Variants in LZTS1 observed in about 807,000 individuals in gnomAD.
The protein encoded by LZTS1 is leucine zipper putative tumor suppressor 1.
A neutral mutation model predicts 45.8 loss-of-function variants in LZTS1; 31 were observed. The observed-to-expected ratio is 0.68, with a 90% CI of 0.51 to 0.91. The LOEUF is 0.91. Ranked by LOEUF, LZTS1 falls within the 40% of genes least tolerant of loss-of-function variation. The pLI is 0.00. For synonymous variants in LZTS1, 359 were observed against 357.3 expected, an observed-to-expected ratio of 1.00 and a Z score of -0.05; for missense variants, 821 against 788.9, an observed-to-expected ratio of 1.04 and a Z score of -0.49.
chr8:20,291,171 T>TGGA (rs1202703246), intron 1 of LZTS1, among the ~76,000 whole-genome samples: 2 of 152,244 alleles, frequency 1.3e-5, no homozygotes. Flanking sequence ...ACCACATAGA[T>TGGA]GGAGATCCAG....
chr8:20,294,221 C>A (rs1354346467), intron 1 of LZTS1, among the ~76,000 whole-genome samples: 1 of 152,232 alleles, frequency 6.6e-6, no homozygotes, highest in Non-Finnish European at 1.5e-5. Context: ...GTAAGTCCAA[C>A]ATCAAGAAAA....
intron 1 of LZTS1, among the ~76,000 whole-genome samples, chr8:20,292,980 T>C (rs1473857695): frequency 6.6e-6 from 1 of 152,124 alleles, no homozygotes; most frequent in Non-Finnish European, 1.5e-5. Context: ...TCCCATTAAA[T>C]AAATAATCCT....
At chr8:20,286,505 A>G (rs1800793975) in intron 1 of LZTS1, among the ~76,000 whole-genome samples, 1 of 152,224 alleles carries the variant, frequency 6.6e-6, no homozygotes, top group Non-Finnish European at 1.5e-5. Context: ...TGATAATACC[A>G]AGTGCTGGTG....
rs1801126399 is a variant in LZTS1 at position 20,303,871 on chromosome 8, G to A, written c.-266C>T. ...CCCACTGCGCGGGATGCAGCTCCCG[G>A]CTCCCACTCACTGGCCGAGGCGGGC... is the stretch of plus-strand genomic sequence containing the variant. On this transcript the variant is annotated 5_prime_UTR_variant, in exon 1 of 4. Transcript: ENST00000381569. 1 of 985,088 alleles carries A rather than the reference G, an allele frequency of 1.0e-6. No homozygotes were observed. Among genetic ancestry groups the A allele is most frequent in the Non-Finnish European group, 1.2e-6 (1 of 829,818 alleles). The allele number at this position is 985,088 out of a possible 1,614,324, so 61.0% of individuals were successfully genotyped here.
chr8:20,288,483 G>A (rs924782491), intron 1 of LZTS1, among the ~76,000 whole-genome samples: 15 of 152,180 alleles, frequency 9.9e-5, no homozygotes, highest in Non-Finnish European at 1.6e-4. Context: ...CTAGGTATGG[G>A]ACGATGTACG....
chr8:20,293,806 C>T (rs907813508), intron 1 of LZTS1, among the ~76,000 whole-genome samples: 12 of 152,088 alleles, frequency 7.9e-5, no homozygotes, highest in Non-Finnish European at 1.8e-4. Flanking sequence ...TGGTGATACC[C>T]ACCTGTGGTC....
rs77478732 is a variant in LZTS1 at position 20,301,895 on chromosome 8, A to C, written c.-135+1845T>G. On this transcript the variant is annotated intron_variant, in intron 1 of 3. Transcript: ENST00000381569. Reference sequence around the variant, plus strand: ...TCGTGAAGCACACAGCCGCTGCTATAAATGTTAACTAACAACCATCTTCAG... The same window carrying C: ...TCGTGAAGCACACAGCCGCTGCTATCAATGTTAACTAACAACCATCTTCAG... 6.1e-3 allele frequency among the ~76,000 whole-genome samples: 930 copies of C among 152,204 alleles called. 9 individuals carry two copies. Among genetic ancestry groups the C allele is most frequent in the African/African-American group, 0.022 (893 of 41,498 alleles).
intron 1 of LZTS1, 53 bp from the exon 2 acceptor site, chr8:20,255,368 A>C: frequency 7.7e-7 from 1 of 1,306,908 alleles, no homozygotes; most frequent in Non-Finnish European, 1.0e-6. Flanking sequence ...GTCACAGCAC[A>C]GTGCTGATTC....
At chr8:20,270,597 C>T (rs1337662898) in intron 1 of LZTS1, among the ~76,000 whole-genome samples, 1 of 152,004 alleles carries the variant, frequency 6.6e-6, no homozygotes, top group Non-Finnish European at 1.5e-5. Flanking sequence ...CTGCCATACC[C>T]AGGAGGGCTT....
At chr8:20,272,273 T>C (rs1800488773) in intron 1 of LZTS1, among the ~76,000 whole-genome samples, 1 of 152,182 alleles carries the variant, frequency 6.6e-6, no homozygotes, top group Non-Finnish European at 1.5e-5. Context: ...GTGCAGCTGC[T>C]GATACTCTGG....
intron 1 of LZTS1, among the ~76,000 whole-genome samples, chr8:20,297,381 A>T (rs547451396): frequency 1.3e-5 from 2 of 152,148 alleles, no homozygotes; most frequent in Admixed American, 6.5e-5. Flanking sequence ...ACATTCCATT[A>T]TCCTAGCTAC....
chr8:20,273,732 G>A (rs1303528366), intron 1 of LZTS1, among the ~76,000 whole-genome samples: 2 of 151,900 alleles, frequency 1.3e-5, no homozygotes, highest in East Asian at 3.9e-4. Context: ...CTTAGTCTAA[G>A]TTGCTATCAT....
chr8:20,283,071 G>A (rs947661875), intron 1 of LZTS1, among the ~76,000 whole-genome samples: 2 of 152,176 alleles, frequency 1.3e-5, no homozygotes, highest in African/African-American at 4.8e-5. Context: ...AAGAGCTCTG[G>A]AGAAGGTATC....
intron 1 of LZTS1, among the ~76,000 whole-genome samples, chr8:20,286,635 T>A (rs1800796386): frequency 6.6e-6 from 1 of 152,186 alleles, no homozygotes; most frequent in African/African-American, 2.4e-5. Context: ...GCAATCCCAC[T>A]CGTAGAGGTA....
chr8:20,253,067 C>T lies in LZTS1; in HGVS notation c.864G>A (p.Glu288=). Residue 288 remains glutamate, a synonymous_variant, in exon 3 of 4, where the codon GAG becomes GAA. Transcript: ENST00000381569. ...QKLQRSFEEK[E]LASSLAYEER... Reference sequence around the variant, plus strand: ...CCTCGTAGGCCAGGCTGGAGGCAAGCTCCTTCTCCTCAAAGCTGCGCTGCA... The same window carrying T: ...CCTCGTAGGCCAGGCTGGAGGCAAGTTCCTTCTCCTCAAAGCTGCGCTGCA... 1 of 1,608,028 alleles carries T rather than the reference C, an allele frequency of 6.2e-7. No homozygotes were observed. The highest frequency in any genetic ancestry group is 8.5e-7 in the Non-Finnish European group (1 of 1,178,448).
intron 1 of LZTS1, among the ~76,000 whole-genome samples, chr8:20,298,319 C>G (rs1030000316): frequency 1.3e-5 from 2 of 152,262 alleles, no homozygotes; most frequent in African/African-American, 4.8e-5. Context: ...ACCTCAGTCT[C>G]CCAAAGTGCT....
chr8:20,281,092 T>C (rs35247297), intron 1 of LZTS1, among the ~76,000 whole-genome samples: 48,594 of 152,092 alleles, frequency 0.32, 8,785 homozygotes, highest in South Asian at 0.54. Context: ...GTAATGGTTA[T>C]AGGAATGGTT....
intron 1 of LZTS1, among the ~76,000 whole-genome samples, chr8:20,292,490 C>G (rs1800916804): frequency 1.3e-5 from 2 of 152,204 alleles, no homozygotes. Flanking sequence ...ACCAGCACAG[C>G]CTTTGCTGTC....
rs781385193 is a variant in LZTS1 at position 20,252,731 on chromosome 8, C to T, written c.1149+51G>A. ...CCGGCACCAGAAGGAGAGGGGGGTA[C>T]TGGCGCCAAACCGCTGACCACCCAA... On this transcript the variant is annotated intron_variant, in intron 3 of 3. Transcript: ENST00000381569. 6.4e-5 allele frequency: 93 copies of T among 1,458,006 alleles called. 1 individual carries two copies. In the South Asian group the frequency reaches 1.3e-3, roughly 20 times the overall value. The allele number at this position is 1,458,006 out of a possible 1,614,324, so 90.3% of individuals were successfully genotyped here.
Sources: allele counts gnomAD v4.1 joint callset (sites outside exome capture counted in the v4.1 genomes callset), GRCh38; gene constraint gnomAD v4.1.1; transcripts MANE v1.5; gene names NCBI Gene and HGNC (gene_info 2026-07-23, HGNC 2026-07-21).